The following GPC6 variants were observed in gnomAD, a reference collection of about 807,000 sequenced individuals.
The protein encoded by GPC6 is glypican 6.
GPC6 carries 14 observed loss-of-function variants against 55.2 expected under a neutral mutation model. The observed-to-expected ratio is 0.25, with a 90% CI of 0.17 to 0.40. GPC6 has a LOEUF of 0.40. Among genes scored for constraint, GPC6 ranks in the 10% least tolerant of loss-of-function variants. The pLI, the probability that GPC6 is intolerant of heterozygous loss-of-function variation, is 1.00. For synonymous variants in GPC6, 278 were observed against 259.6 expected (o/e 1.07, Z -0.68); for missense variants, 641 against 708.5 (o/e 0.90, Z 1.08).
intron 1 of GPC6, among the ~76,000 whole-genome samples, chr13:93,391,006 A>C (rs927435420): frequency 6.6e-6 from 1 of 152,014 alleles, no homozygotes; most frequent in African/African-American, 2.4e-5. Context: ...TATGGGGAAG[A>C]ATCTGCTTTA....
At chr13:93,662,237 T>C (rs1880954399) in intron 2 of GPC6, among the ~76,000 whole-genome samples, 1 of 152,236 alleles carries the variant, frequency 6.6e-6, no homozygotes, top group African/African-American at 2.4e-5. Context: ...TTATTTCTTG[T>C]AGTAAGTCAC....
intron 1 of GPC6, among the ~76,000 whole-genome samples, chr13:93,488,616 T>G (rs572121387): frequency 6.6e-6 from 1 of 152,196 alleles, no homozygotes. Flanking sequence ...TTTCTCCACA[T>G]CCTCTCCAGC....
rs2892676 is a variant in GPC6, at chr13:94,168,742, T to C, written c.878-117607T>C. On this transcript the variant is annotated intron_variant, in intron 4 of 8. Transcript: ENST00000377047. ...AATATATATTATATATAATTATATTTTACAACTGAATTGGAGTAAAGGCGA... is the reference window on the plus strand; with the variant it reads ...AATATATATTATATATAATTATATTCTACAACTGAATTGGAGTAAAGGCGA... Among the ~76,000 whole-genome samples, 4 of 148,778 alleles carry C rather than the reference T, an allele frequency of 2.7e-5. No homozygotes were observed. In the Admixed American group the frequency reaches 2.7e-4, roughly 10 times the overall value.
intron 2 of GPC6, among the ~76,000 whole-genome samples, chr13:93,741,201 G>A (rs1047622735): frequency 1.2e-4 from 15 of 125,388 alleles, no homozygotes; most frequent in African/African-American, 3.9e-4. Context: ...TGCAAGCTCC[G>A]CCTCCCAGGT....
chr13:93,320,594 AC>A (rs72378415), intron 1 of GPC6, among the ~76,000 whole-genome samples: 1,995 of 151,850 alleles, frequency 0.013, 45 homozygotes, highest in African/African-American at 0.045. Flanking sequence ...AATAGTGATA[AC>A]CATCTGGGAA....
chr13:93,312,420 C>T (rs9301866), intron 1 of GPC6, among the ~76,000 whole-genome samples: 45,248 of 151,940 alleles, frequency 0.3, 7,864 homozygotes, highest in African/African-American at 0.49. Context: ...TTTAAATTAT[C>T]TAAGCAAGAA....
intron 4 of GPC6, among the ~76,000 whole-genome samples, chr13:94,075,887 T>C (rs903021097): frequency 2.0e-5 from 3 of 152,116 alleles, no homozygotes; most frequent in African/African-American, 7.2e-5. Flanking sequence ...TGGGTTGTTA[T>C]CTTGGCTAAT....
intron 6 of GPC6, among the ~76,000 whole-genome samples, chr13:94,327,207 G>A (rs936861510): frequency 2.0e-5 from 3 of 152,156 alleles, no homozygotes; most frequent in African/African-American, 7.2e-5. Flanking sequence ...TGTTCACGTA[G>A]CTGTAACGGT....
chr13:93,220,426 C>A, the GPC6 span, among the ~76,000 whole-genome samples: 1 of 152,180 alleles, frequency 6.6e-6, no homozygotes, highest in Admixed American at 6.5e-5. Flanking sequence ...TCTCTCATAA[C>A]ATTAATATCT....
At chr13:93,628,616 GT>G (rs1296427123) in intron 2 of GPC6, among the ~76,000 whole-genome samples, 1 of 152,168 alleles carries the variant, frequency 6.6e-6, no homozygotes, top group African/African-American at 2.4e-5. Flanking sequence ...TGACACTGGA[GT>G]TTATGTAAAT....
intron 3 of GPC6, among the ~76,000 whole-genome samples, chr13:93,919,159 A>G (rs565111889): frequency 1.3e-4 from 19 of 151,450 alleles, no homozygotes; most frequent in Admixed American, 4.0e-4. Flanking sequence ...ATGACTGTAA[A>G]CTCCCTGAGA....
At chr13:93,239,168 C>G (rs1876344992) in intron 1 of GPC6, among the ~76,000 whole-genome samples, 1 of 151,948 alleles carries the variant, frequency 6.6e-6, no homozygotes, top group East Asian at 1.9e-4. Flanking sequence ...GGTATCACTT[C>G]TTTTAATGTC....
intron 2 of GPC6, among the ~76,000 whole-genome samples, chr13:93,706,892 G>C (rs919975401): frequency 5.3e-5 from 8 of 151,834 alleles, no homozygotes; most frequent in Non-Finnish European, 1.0e-4. Context: ...TATGAACAAT[G>C]GTCCTTCAGA....
At chr13:93,571,156 G>A (rs1876385585) in intron 2 of GPC6, among the ~76,000 whole-genome samples, 2 of 152,046 alleles carry the variant, frequency 1.3e-5, no homozygotes, top group Admixed American at 6.6e-5. Context: ...AGTGGAAGAG[G>A]TAACAGGGAG....
chr13:93,342,681 C>T (rs577327579), intron 1 of GPC6, among the ~76,000 whole-genome samples: 41 of 152,096 alleles, frequency 2.7e-4, no homozygotes, highest in African/African-American at 9.4e-4. Flanking sequence ...TGATAACAGT[C>T]GTGAAGAGAA....
intron 3 of GPC6, among the ~76,000 whole-genome samples, chr13:93,965,393 A>G (rs1879995419): frequency 6.6e-6 from 1 of 152,120 alleles, no homozygotes; most frequent in African/African-American, 2.4e-5. Flanking sequence ...CCTGGGTGAC[A>G]GAGCAAGACT....
At chr13:93,864,163 C>A (rs1334452301) in intron 3 of GPC6, among the ~76,000 whole-genome samples, 1 of 151,596 alleles carries the variant, frequency 6.6e-6, no homozygotes, top group Admixed American at 6.6e-5. Context: ...AATAAAAATG[C>A]CCACCTTATA....
At chr13:94,288,894 A>AACAAAT (rs1555316144) in intron 5 of GPC6, among the ~76,000 whole-genome samples, 1 of 129,754 alleles carries the variant, frequency 7.7e-6, no homozygotes, top group Non-Finnish European at 1.6e-5. Context: ...TAATATATAT[A>AACAAAT]ACAAATATAT....
At chr13:93,547,101 C>T (rs989032861) in intron 2 of GPC6, among the ~76,000 whole-genome samples, 1 of 149,662 alleles carries the variant, frequency 6.7e-6, no homozygotes, top group East Asian at 2.0e-4. Context: ...GAGGCTGAGG[C>T]GGGTGGATCA....
Sources: gnomAD v4.1 joint callset for allele counts (sites outside exome capture counted in the v4.1 genomes callset) on GRCh38, gnomAD v4.1.1 for gene constraint, MANE v1.5 for transcripts, NCBI Gene and HGNC (gene_info 2026-07-23, HGNC 2026-07-21) for gene names.